The following SLC4A4 variants were observed in gnomAD, a reference collection of about 807,000 sequenced individuals.
The protein encoded by SLC4A4 is solute carrier family 4 member 4.
A neutral mutation model predicts 111.5 loss-of-function variants in SLC4A4; 27 were observed. The observed-to-expected ratio is 0.24, with a 90% CI of 0.18 to 0.33. The LOEUF (loss-of-function observed/expected upper bound fraction) is 0.33. Among genes scored for constraint, SLC4A4 ranks in the 10% least tolerant of loss-of-function variants. SLC4A4 has a pLI of 1.00. For synonymous variants in SLC4A4, 443 were observed against 463.4 expected, an observed-to-expected ratio of 0.96 and a Z score of 0.57; for missense variants, 909 against 1,315.5, an observed-to-expected ratio of 0.69 and a Z score of 4.78.
chr4:71,520,462 G>A (rs1480666290), intron 16 of SLC4A4, among the ~76,000 whole-genome samples: 2 of 152,208 alleles, frequency 1.3e-5, no homozygotes, highest in Admixed American at 1.3e-4. Flanking sequence ...TGTGGGAAGA[G>A]CACAATGTGT....
chr4:71,260,043 G>A (rs760248829), intron 3 of SLC4A4, among the ~76,000 whole-genome samples: 3 of 152,146 alleles, frequency 2.0e-5, no homozygotes, highest in Non-Finnish European at 4.4e-5. Flanking sequence ...CAGTCTTGTG[G>A]TATTCTTTTT....
Position 71,429,229 on chromosome 4 carries a change from G to A in SLC4A4, c.808-11387G>A, listed in dbSNP as rs373800653. The stretch of plus-strand genomic sequence containing the variant: ...ATGTGAACTGCTTTCATAGAAGGCA[G>A]AAGAATCCAAGACCTGAGTGGAGTG... On this transcript the variant is annotated intron_variant, in intron 7 of 25. Transcript: ENST00000264485. Among the ~76,000 whole-genome samples, 5 of 152,074 alleles carry A rather than the reference G, an allele frequency of 3.3e-5. No homozygotes were observed. The East Asian group carries it at 7.7e-4, about 23-fold the overall frequency.
intron 2 of SLC4A4, among the ~76,000 whole-genome samples, chr4:71,142,442 G>A (rs1744024584): frequency 6.6e-6 from 1 of 152,144 alleles, no homozygotes; most frequent in Non-Finnish European, 1.5e-5. Flanking sequence ...CTCAACTATG[G>A]CTTTTGCTGC....
At chr4:71,251,992 C>G (rs1192767951) in intron 2 of SLC4A4, among the ~76,000 whole-genome samples, 2 of 152,118 alleles carry the variant, frequency 1.3e-5, no homozygotes, top group African/African-American at 4.8e-5. Flanking sequence ...AATACTATAT[C>G]CTCAGCTTTG....
chr4:71,076,494 T>G (rs1001846285), intron 1 of SLC4A4, among the ~76,000 whole-genome samples: 1 of 151,862 alleles, frequency 6.6e-6, no homozygotes, highest in Non-Finnish European at 1.5e-5. Context: ...ATTGCATCAT[T>G]GCACTCCAGC....
At chr4:71,121,211 T>G (rs1443345692) in intron 2 of SLC4A4, among the ~76,000 whole-genome samples, 7 of 147,044 alleles carry the variant, frequency 4.8e-5, no homozygotes, top group South Asian at 2.2e-4. Flanking sequence ...CCTCCCCCGC[T>G]TCCCTCCCCC....
intron 1 of SLC4A4, among the ~76,000 whole-genome samples, chr4:71,215,361 A>G (rs1241572533): frequency 6.6e-6 from 1 of 152,192 alleles, no homozygotes; most frequent in Non-Finnish European, 1.5e-5. Flanking sequence ...CCTTATTGTC[A>G]TAATAGCACT....
chr4:71,423,092 T>C (rs1218430002), intron 7 of SLC4A4, among the ~76,000 whole-genome samples: 2 of 152,070 alleles, frequency 1.3e-5, no homozygotes, highest in African/African-American at 4.8e-5. Flanking sequence ...GAAAACCCCA[T>C]TGTCTCAGCC....
intron 2 of SLC4A4, among the ~76,000 whole-genome samples, chr4:71,181,339 C>T (rs1307491000): frequency 6.6e-6 from 1 of 152,060 alleles, no homozygotes; most frequent in African/African-American, 2.4e-5. Context: ...ACATTGTGCA[C>T]ATGTACCCTA....
chr4:71,209,625 G>C (rs141571858), intron 1 of SLC4A4, among the ~76,000 whole-genome samples: 13 of 152,176 alleles, frequency 8.5e-5, no homozygotes, highest in African/African-American at 3.1e-4. Flanking sequence ...TTAGTACTCT[G>C]CAGTTGCATA....
At chr4:71,129,986 T>C (rs939603967) in intron 2 of SLC4A4, among the ~76,000 whole-genome samples, 2 of 151,932 alleles carry the variant, frequency 1.3e-5, no homozygotes, top group Non-Finnish European at 2.9e-5. Flanking sequence ...TACTTGAGGA[T>C]AGAGGGAGGA....
intron 3 of SLC4A4, among the ~76,000 whole-genome samples, chr4:71,271,849 C>T (rs1266161205): frequency 1.3e-5 from 2 of 152,138 alleles, no homozygotes; most frequent in African/African-American, 4.8e-5. Context: ...TTATTTTATT[C>T]TGCATATTTT....
At chr4:71,350,706 T>C (rs1310287759) in intron 5 of SLC4A4, among the ~76,000 whole-genome samples, 3 of 152,234 alleles carry the variant, frequency 2.0e-5, no homozygotes, top group East Asian at 1.9e-4. Flanking sequence ...ATCTATAATG[T>C]AAAGAAATGG....
intron 2 of SLC4A4, among the ~76,000 whole-genome samples, chr4:71,168,177 C>CTTTTTTTTTT (rs777092928): frequency 2.8e-5 from 3 of 106,242 alleles, no homozygotes; most frequent in African/African-American, 1.3e-4. Context: ...CAATTATACT[C>CTTTTTTTTTT]TTTTTTTTTT....
At chr4:71,334,276 C>T (rs1728252645) in intron 3 of SLC4A4, among the ~76,000 whole-genome samples, 1 of 151,906 alleles carries the variant, frequency 6.6e-6, no homozygotes, top group Admixed American at 6.6e-5. Flanking sequence ...CAGGAGGTTC[C>T]CTTTAGCCCA....
chr4:71,382,491 A>G (rs569935470), intron 6 of SLC4A4, among the ~76,000 whole-genome samples: 4 of 152,166 alleles, frequency 2.6e-5, no homozygotes, highest in Non-Finnish European at 2.9e-5. Context: ...TTGGGTTGGC[A>G]CTCTGAACAC....
chr4:71,466,947 G>GAGAGAC (rs1727392882), intron 13 of SLC4A4, among the ~76,000 whole-genome samples: 1 of 130,250 alleles, frequency 7.7e-6, no homozygotes, highest in Non-Finnish European at 1.6e-5. Context: ...GAGAGAGAGA[G>GAGAGAC]AGAGAGAGAG....
intron 1 of SLC4A4, among the ~76,000 whole-genome samples, chr4:71,215,903 AT>A (rs990635246): frequency 0.036 from 4,611 of 127,814 alleles, 138 homozygotes; most frequent in African/African-American, 0.097. Flanking sequence ...TGTCATTTCT[AT>A]TTTTTTTTTT....
chr4:71,433,175 C>A (rs899646233), intron 7 of SLC4A4, among the ~76,000 whole-genome samples: 1 of 151,872 alleles, frequency 6.6e-6, no homozygotes, highest in Non-Finnish European at 1.5e-5. Flanking sequence ...CTTCCTCCCC[C>A]TCACCATTAG....
Sources: allele counts gnomAD v4.1 joint callset (sites outside exome capture counted in the v4.1 genomes callset), GRCh38; gene constraint gnomAD v4.1.1; transcripts MANE v1.5; gene names NCBI Gene and HGNC (gene_info 2026-07-23, HGNC 2026-07-21).